The following KCNC2 variants were observed in gnomAD, a reference collection of about 807,000 sequenced individuals.
The protein encoded by KCNC2 is potassium voltage-gated channel subfamily C member 2, also known as voltage-gated potassium channel KCNC2.
Under a neutral mutation model 44.5 loss-of-function variants are expected in KCNC2, and 21 were observed. That is an observed-to-expected ratio of 0.47 (90% CI 0.33 to 0.68). KCNC2 has a LOEUF of 0.68. Ranked by LOEUF, KCNC2 falls within the 30% of genes least tolerant of loss-of-function variation. The pLI is 0.01. For synonymous variants in KCNC2, 391 were observed against 339.1 expected (o/e 1.15, Z -1.68); for missense variants, 589 against 826.2 (o/e 0.71, Z 3.52).
At chr12:75,043,391 T>TA (rs1324166103) in intron 4 of KCNC2, 150 bp from the exon 5 acceptor site, 8 of 1,394,430 alleles carry the variant, frequency 5.7e-6, no homozygotes, top group Middle Eastern at 2.6e-4. Context: ...TTTATAACTC[T>TA]AAAAAAATGA....
At chr12:75,143,416 C>T (rs1592959606) in intron 2 of KCNC2, among the ~76,000 whole-genome samples, 1 of 152,292 alleles carries the variant, frequency 6.6e-6, no homozygotes, top group East Asian at 1.9e-4. Context: ...GACAACCTGC[C>T]TTCCAGAATT....
chr12:75,169,825 G>A (rs1391572628), intron 2 of KCNC2, among the ~76,000 whole-genome samples: 1 of 151,614 alleles, frequency 6.6e-6, no homozygotes, highest in East Asian at 1.9e-4. Flanking sequence ...CTGCTACAGT[G>A]TCTTGGAATC....
chr12:75,056,518 A>G (rs553350827), intron 2 of KCNC2, among the ~76,000 whole-genome samples: 6 of 152,088 alleles, frequency 3.9e-5, no homozygotes, highest in African/African-American at 1.4e-4. Context: ...CCAAATGGGA[A>G]TACTTCATGC....
chr12:75,104,878 T>A (rs1886653882), intron 2 of KCNC2, among the ~76,000 whole-genome samples: 1 of 152,134 alleles, frequency 6.6e-6, no homozygotes, highest in Admixed American at 6.6e-5. Context: ...GCACTTCCTT[T>A]TAAGTAATAA....
rs763957368 is a variant in KCNC2, at chr12:75,043,163, G to T, written c.1859C>A (p.Pro620His). 4.3e-6 allele frequency: 7 copies of T among 1,612,494 alleles called. No individual in the cohort carries two copies. The highest frequency in any genetic ancestry group is 5.9e-6 in the Non-Finnish European group (7 of 1,179,030). ...CCTCAGAGGACAAGGAGAGTTGTAG[G>T]GTGATGTTACTGGAGAGAGCCTCAG... ...NALRLSPVTS[P>H]YNSPCPLRRS... The change falls in exon 5 of 5, where the codon CCC becomes CAC. Residue 620 changes from proline (P) to histidine (H), a missense_variant. Physicochemically the swap from Pro to His is moderately conservative, Grantham distance 77. Around this residue, in one of 7 missense-constraint regions of KCNC2, gnomAD observed 171 missense variants for 182.4 expected, o/e 0.94. Coordinates refer to ENST00000549446, the MANE Select transcript of KCNC2 (RefSeq NM_139137.4).
chr12:75,057,819 A>G (rs897670758), intron 2 of KCNC2, among the ~76,000 whole-genome samples: 2 of 151,930 alleles, frequency 1.3e-5, no homozygotes, highest in African/African-American at 4.8e-5. Flanking sequence ...CAAAATTACT[A>G]TTGACCACTG....
intron 2 of KCNC2, among the ~76,000 whole-genome samples, chr12:75,199,647 T>C (rs567613271): frequency 6.6e-6 from 1 of 152,008 alleles, no homozygotes; most frequent in East Asian, 1.9e-4. Flanking sequence ...TTAACTTTGT[T>C]TGCAGATCTC....
intron 2 of KCNC2, among the ~76,000 whole-genome samples, chr12:75,054,398 T>C (rs1257920638): frequency 2.0e-5 from 3 of 152,126 alleles, no homozygotes; most frequent in Non-Finnish European, 4.4e-5. Flanking sequence ...GGTTGAATTC[T>C]GAAGAGGGGA....
chr12:75,206,878 G>C (rs1487226382), intron 2 of KCNC2, among the ~76,000 whole-genome samples: 1 of 152,116 alleles, frequency 6.6e-6, no homozygotes, highest in Non-Finnish European at 1.5e-5. Context: ...ATGTGAAGGG[G>C]GCCTCACTGA....
intron 2 of KCNC2, among the ~76,000 whole-genome samples, chr12:75,061,566 TACACACACACACACACACACAC>T (rs59052402): frequency 1.4e-5 from 2 of 143,350 alleles, no homozygotes; most frequent in South Asian, 2.3e-4. Flanking sequence ...AAGTGACAAG[TACACACACACACACACACACAC>T]ACACACACAC....
intron 2 of KCNC2, among the ~76,000 whole-genome samples, chr12:75,130,838 T>C (rs555297916): frequency 1.3e-5 from 2 of 149,906 alleles, no homozygotes; most frequent in African/African-American, 2.5e-5. Flanking sequence ...GAAAGACAGA[T>C]AGGGAAGCTC....
intron 2 of KCNC2, among the ~76,000 whole-genome samples, chr12:75,074,010 G>A (rs17114576): frequency 6.6e-6 from 1 of 151,900 alleles, no homozygotes; most frequent in South Asian, 2.1e-4. Flanking sequence ...TTTGCCTATT[G>A]TCTGCCTATT....
rs976273888 is a variant in KCNC2 at position 75,071,900 on chromosome 12, T to C, written c.688-20583A>G. 6.8e-5 allele frequency among the ~76,000 whole-genome samples: 8 copies of C among 118,366 alleles called. No individual in the cohort carries two copies. The Admixed American group carries it at 6.8e-4, about 10-fold the overall frequency. The allele number at this position is 118,366 out of a possible 152,430, so 77.7% of individuals were successfully genotyped here. ...TTGCAGTGAGCTGAGATCACGCCAC[T>C]GCACTCTAGCCTGGGCGACAGAGCG... On this transcript the variant is annotated intron_variant, in intron 2 of 4. Coordinates refer to ENST00000549446, the MANE Select transcript of KCNC2 (RefSeq NM_139137.4).
chr12:75,092,397 A>G (rs1056706214), intron 2 of KCNC2, among the ~76,000 whole-genome samples: 6 of 151,698 alleles, frequency 4.0e-5, no homozygotes, highest in South Asian at 2.1e-4. Flanking sequence ...TGATAATTAA[A>G]TAGCAAAATA....
At chr12:75,144,581 A>T (rs990133771) in intron 2 of KCNC2, among the ~76,000 whole-genome samples, 4 of 151,618 alleles carry the variant, frequency 2.6e-5, no homozygotes, top group Admixed American at 6.6e-5. Flanking sequence ...CTGTCTGTAA[A>T]ATATATATAT....
At chr12:75,138,979 T>TAAAAAAAAAAAAAAAAAAAAAA (rs373729570) in intron 2 of KCNC2, among the ~76,000 whole-genome samples, 12 of 77,922 alleles carry the variant, frequency 1.5e-4, no homozygotes, top group African/African-American at 3.2e-4. Context: ...AGACTCCGTG[T>TAAAAAAAAAAAAAAAAAAAAAA]AAAAAAAAAA....
intron 2 of KCNC2, among the ~76,000 whole-genome samples, chr12:75,123,458 C>T (rs1250149411): frequency 6.6e-6 from 1 of 152,126 alleles, no homozygotes; most frequent in Non-Finnish European, 1.5e-5. Context: ...AACCACTTTC[C>T]CAAATGCCTC....
intron 2 of KCNC2, among the ~76,000 whole-genome samples, chr12:75,116,412 AAAG>A (rs1887665475): frequency 6.6e-6 from 1 of 152,308 alleles, no homozygotes; most frequent in East Asian, 1.9e-4. Flanking sequence ...TAGACTCCAG[AAAG>A]AAGACTATAA....
chr12:75,041,659 T>C lies in KCNC2; in HGVS notation c.*1446A>G. 1 of 1,008,220 alleles carries C rather than the reference T, an allele frequency of 9.9e-7. No individual in the cohort carries two copies. The highest frequency in any genetic ancestry group is 1.2e-6 in the Non-Finnish European group (1 of 842,788). 62.5% of individuals were successfully genotyped at this position (1,008,220 alleles called of 1,614,324 possible). Reference sequence around the variant, plus strand: ...GACTGAATATGACTCCCTAAGGATTTTGTTGGAGTGTAGTAATGAATGCTG... The same window carrying C: ...GACTGAATATGACTCCCTAAGGATTCTGTTGGAGTGTAGTAATGAATGCTG... On this transcript the variant is annotated 3_prime_UTR_variant, in exon 5 of 5. Coordinates refer to ENST00000549446, the MANE Select transcript of KCNC2 (RefSeq NM_139137.4).
Sources: gnomAD v4.1 joint callset for allele counts (sites outside exome capture counted in the v4.1 genomes callset) on GRCh38, gnomAD v4.1.1 for gene constraint, gnomAD v4.1.1 regional missense constraint, MANE v1.5 for transcripts, NCBI Gene and HGNC (gene_info 2026-07-23, HGNC 2026-07-21) for gene names.